The following ESYT2 variants were observed in gnomAD, a reference collection of about 807,000 sequenced individuals.
The protein encoded by ESYT2 is extended synaptotagmin 2, also known as extended synaptotagmin-2.
Under a neutral mutation model 107.2 loss-of-function variants are expected in ESYT2, and 54 were observed. The ratio of observed to expected loss-of-function variants is 0.50; its 90% CI spans 0.40 to 0.63. ESYT2 has a LOEUF of 0.63. Among genes scored for constraint, ESYT2 ranks in the 30% least tolerant of loss-of-function variants. ESYT2 has a pLI of 0.00. For synonymous variants in ESYT2, 491 were observed against 434.1 expected, an observed-to-expected ratio of 1.13 and a Z score of -1.63; for missense variants, 1,020 against 1,094.5, an observed-to-expected ratio of 0.93 and a Z score of 0.96.
Position 158,734,048 on chromosome 7 carries a change from C to T in ESYT2, c.*159G>A. On this transcript the variant is annotated 3_prime_UTR_variant, in exon 23 of 23. Coordinates refer to ENST00000275418, the MANE Select transcript of ESYT2 (RefSeq NM_001367773.1). ...ACAGAAAATTCAATGATAATATTGG[C>T]CAAATTTGCCTGAAATGTCAACAAT... The T allele has an allele frequency of 1.1e-6, 1 of 879,724 alleles. No individual in the cohort carries two copies. Among genetic ancestry groups the T allele is most frequent in the South Asian group, 1.8e-5 (1 of 54,982 alleles). 54.5% of individuals were successfully genotyped at this position (879,724 alleles called of 1,614,324 possible).
chr7:158,813,316 T>A (rs1840041156), intron 1 of ESYT2, among the ~76,000 whole-genome samples: 1 of 152,208 alleles, frequency 6.6e-6, no homozygotes, highest in Non-Finnish European at 1.5e-5. Context: ...AACTACTTCG[T>A]ATGACATTGT....
At chr7:158,819,533 T>C (rs1448266227) in intron 1 of ESYT2, among the ~76,000 whole-genome samples, 4 of 152,168 alleles carry the variant, frequency 2.6e-5, no homozygotes, top group East Asian at 1.9e-4. Flanking sequence ...ATCCATAATA[T>C]AGCATTTAAG....
intron 4 of ESYT2, among the ~76,000 whole-genome samples, chr7:158,791,181 C>A (rs80057747): frequency 0.019 from 2,851 of 152,314 alleles, 39 homozygotes; most frequent in Non-Finnish European, 0.032. Flanking sequence ...AAACCTCACA[C>A]AAGTGCAATT....
At chr7:158,734,576 C>T (rs1353179216) in intron 21 of ESYT2, 105 bp from the exon 22 acceptor site, 4 of 1,036,396 alleles carry the variant, frequency 3.9e-6, no homozygotes, top group Non-Finnish European at 2.8e-6. Flanking sequence ...ATCTCTTAAG[C>T]CCAAGAGTTT....
chr7:158,796,257 T>C (rs554554123), intron 3 of ESYT2, among the ~76,000 whole-genome samples: 1 of 152,246 alleles, frequency 6.6e-6, no homozygotes, highest in Admixed American at 6.5e-5. Flanking sequence ...ACTTAAACAC[T>C]GATTTAAAAA....
At position 158,767,713 on chromosome 7, in the gene ESYT2, T is replaced by C. The variant is rs781776548; in HGVS notation, c.865A>G (p.Ile289Val). 1.2e-6 allele frequency: 2 copies of C among 1,613,252 alleles called. No homozygotes were observed. Among genetic ancestry groups the C allele is most frequent in the Admixed American group, 3.3e-5 (2 of 59,898 alleles). ...ISNYLVLPNR[I>V]TVPLVSEVQI... is the part of the protein sequence containing the mutation. ...ACTTCACTGACAAGTGGAACGGTGA[T>C]TCGATTGGGAAGCACCAGATAGTTT... is the stretch of plus-strand genomic sequence containing the variant. Residue 289 changes from isoleucine to valine, a missense_variant, in exon 8 of 23, where the codon ATC becomes GTC. Coordinates refer to ENST00000275418, the MANE Select transcript of ESYT2 (RefSeq NM_001367773.1).
chr7:158,796,668 AAG>A (rs1348952010), intron 3 of ESYT2, among the ~76,000 whole-genome samples: 7 of 152,238 alleles, frequency 4.6e-5, no homozygotes, highest in Non-Finnish European at 7.3e-5. Flanking sequence ...TGACATGGCC[AAG>A]ACGGCACCGC....
intron 1 of ESYT2, among the ~76,000 whole-genome samples, chr7:158,823,389 C>T (rs1358951723): frequency 3.6e-5 from 5 of 138,972 alleles, no homozygotes; most frequent in African/African-American, 8.0e-5. Context: ...TGCAGTGGTG[C>T]GATCTCGGCT....
chr7:158,786,463 A>G lies in ESYT2; in HGVS notation c.747+1541T>C, dbSNP rs111905958. On this transcript the variant is annotated intron_variant, in intron 6 of 22. Coordinates refer to ENST00000275418, the MANE Select transcript of ESYT2 (RefSeq NM_001367773.1). Reference sequence around the variant, plus strand: ...TAATTTTAAATCTTATGAATCTCTTAACTTCCTGAATAGTAAAATTTAATT... The same window carrying G: ...TAATTTTAAATCTTATGAATCTCTTGACTTCCTGAATAGTAAAATTTAATT... 1.7e-3 allele frequency among the ~76,000 whole-genome samples: 261 copies of G among 152,316 alleles called. 1 individual carries two copies. Among genetic ancestry groups the G allele is most frequent in the Middle Eastern group, 0.01 (3 of 294 alleles).
chr7:158,761,704 G>A (rs1369427459), intron 10 of ESYT2, among the ~76,000 whole-genome samples, 160 bp from the exon 11 acceptor site: 1 of 152,096 alleles, frequency 6.6e-6, no homozygotes, highest in East Asian at 1.9e-4. Context: ...AATTTATCAA[G>A]GAACAGACTA....
chr7:158,757,321 G>A (rs1281484919), intron 13 of ESYT2, among the ~76,000 whole-genome samples: 3 of 152,206 alleles, frequency 2.0e-5, no homozygotes, highest in Admixed American at 6.5e-5. Context: ...AAAGAACCCC[G>A]GAGGACTCAC....
In ESYT2 at chr7:158,781,651, G is replaced by A. The variant is rs146602911; in HGVS notation, c.747+6353C>T. Among the ~76,000 whole-genome samples, 1,318 of 151,458 alleles carry A rather than the reference G, an allele frequency of 8.7e-3. 21 individuals carry two copies. The highest frequency in any genetic ancestry group is 0.03 in the African/African-American group (1,253 of 41,300). Reference sequence around the variant, plus strand: ...TGAGAACAAAGTGAGGTGTGTGAAAGAACAAGTGAGAACAAGTGTGAGTGA... The same window carrying A: ...TGAGAACAAAGTGAGGTGTGTGAAAAAACAAGTGAGAACAAGTGTGAGTGA... On this transcript the variant is annotated intron_variant, in intron 6 of 22. Transcript: ENST00000275418.
rs1167563517 is a variant in ESYT2 at position 158,731,494 on chromosome 7, A to G, written c.*2713T>C. ...GCTAATTTTTGTATTTTTAGTAAAG[A>G]TGGGGTTTCTCCATGTTGGCCAGGC... On this transcript the variant is annotated 3_prime_UTR_variant, in exon 23 of 23. Transcript: ENST00000275418. The G allele has an allele frequency of 1.3e-5, 2 of 152,284 alleles. No homozygotes were observed. Among genetic ancestry groups the G allele is most frequent in the Non-Finnish European group, 2.9e-5 (2 of 68,054 alleles). The allele number at this position is 152,284 out of a possible 1,614,324, so 9.4% of individuals were successfully genotyped here.
At chr7:158,799,928 G>C (rs186091726) in intron 1 of ESYT2, among the ~76,000 whole-genome samples, 2 of 152,252 alleles carry the variant, frequency 1.3e-5, no homozygotes, top group East Asian at 1.9e-4. Context: ...TTCAAGACCA[G>C]CCTGGCCAAC....
At position 158,772,914 on chromosome 7, in the gene ESYT2, A is replaced by G. The variant is rs547656574; in HGVS notation, c.803+427T>C. On this transcript the variant is annotated intron_variant, in intron 7 of 22. Coordinates refer to ENST00000275418, the MANE Select transcript of ESYT2 (RefSeq NM_001367773.1). ...AAAGTTAAAAAAAAAAAAAAGGCAG[A>G]AAGGGTGGGGTAGCCATAGGCTGGA... is the stretch of plus-strand genomic sequence containing the variant. Among the ~76,000 whole-genome samples, 167 of 150,872 alleles carry G rather than the reference A, an allele frequency of 1.1e-3. 1 individual carries two copies. Among genetic ancestry groups the G allele is most frequent in the Middle Eastern group, 6.8e-3 (2 of 292 alleles).
At chr7:158,782,185 AAG>A (rs1563650207) in intron 6 of ESYT2, among the ~76,000 whole-genome samples, 1 of 147,652 alleles carries the variant, frequency 6.8e-6, no homozygotes, top group Non-Finnish European at 1.5e-5. Flanking sequence ...GTGAGTGTGA[AAG>A]AACAAGTGAG....
chr7:158,776,509 C>T (rs540732694), intron 6 of ESYT2, among the ~76,000 whole-genome samples: 3 of 152,324 alleles, frequency 2.0e-5, no homozygotes, highest in South Asian at 2.1e-4. Flanking sequence ...GGCTTCTTTC[C>T]GTGAACCTCA....
At chr7:158,780,635 G>C (rs1838742602) in intron 6 of ESYT2, among the ~76,000 whole-genome samples, 1 of 152,216 alleles carries the variant, frequency 6.6e-6, no homozygotes, top group Admixed American at 6.5e-5. Context: ...AGGCAACAGA[G>C]GGCATGCCCA....
At chr7:158,747,419 T>TA (rs1485869839) in intron 16 of ESYT2, among the ~76,000 whole-genome samples, 1 of 145,636 alleles carries the variant, frequency 6.9e-6, no homozygotes, top group Non-Finnish European at 1.5e-5. Flanking sequence ...AATAACCAAA[T>TA]AAAAAAGACA....
Sources: gnomAD v4.1 joint callset for allele counts (sites outside exome capture counted in the v4.1 genomes callset) on GRCh38, gnomAD v4.1.1 for gene constraint, MANE v1.5 for transcripts, NCBI Gene and HGNC (gene_info 2026-07-23, HGNC 2026-07-21) for gene names.